Variants in IMMP1L observed in about 807,000 individuals in gnomAD.
The protein encoded by IMMP1L is mitochondrial inner membrane protease subunit 1.
A neutral mutation model predicts 21.8 loss-of-function variants in IMMP1L; 24 were observed. The ratio of observed to expected loss-of-function variants is 1.10; its 90% CI spans 0.80 to 1.55. The LOEUF (loss-of-function observed/expected upper bound fraction) is 1.55. IMMP1L is among the 40% of genes most tolerant of loss of function. IMMP1L has a pLI of 0.00. For synonymous variants in IMMP1L, 46 were observed against 62.8 expected, an observed-to-expected ratio of 0.73 and a Z score of 1.26; for missense variants, 195 against 200.7, an observed-to-expected ratio of 0.97 and a Z score of 0.17.
chr11:31,490,977 C>G (rs1955234730), intron 1 of IMMP1L, among the ~76,000 whole-genome samples: 1 of 152,238 alleles, frequency 6.6e-6, no homozygotes, highest in South Asian at 2.1e-4. Context: ...TAACATGACA[C>G]CATAAGCTGC....
intron 1 of IMMP1L, among the ~76,000 whole-genome samples, chr11:31,486,419 G>C (rs1025988707): frequency 6.6e-6 from 1 of 151,776 alleles, no homozygotes; most frequent in African/African-American, 2.4e-5. Context: ...TACTGCATTA[G>C]GTCCTGTATC....
intron 3 of IMMP1L, among the ~76,000 whole-genome samples, chr11:31,458,936 G>A (rs544256703): frequency 2.2e-4 from 34 of 152,248 alleles, no homozygotes; most frequent in Non-Finnish European, 1.2e-4. Flanking sequence ...CCTCATTCAG[G>A]ATGCCCAAGG....
intron 1 of IMMP1L, among the ~76,000 whole-genome samples, chr11:31,490,484 A>G (rs1955219404): frequency 6.6e-6 from 1 of 151,576 alleles, no homozygotes; most frequent in Non-Finnish European, 1.5e-5. Flanking sequence ...AAAAAAAAAA[A>G]GCAGTTCATT....
At chr11:31,468,911 T>G (rs1277468958) in intron 1 of IMMP1L, among the ~76,000 whole-genome samples, 1 of 152,174 alleles carries the variant, frequency 6.6e-6, no homozygotes, top group Non-Finnish European at 1.5e-5. Context: ...GTTGCACCAC[T>G]GTACATTTTT....
chr11:31,443,674 G>A (rs960834883), intron 4 of IMMP1L, among the ~76,000 whole-genome samples: 15 of 152,160 alleles, frequency 9.9e-5, no homozygotes, highest in Admixed American at 8.5e-4. Context: ...ATTTTAATAC[G>A]TACTATTTCT....
chr11:31,501,418 T>C (rs752441050), intron 1 of IMMP1L, among the ~76,000 whole-genome samples: 2 of 152,138 alleles, frequency 1.3e-5, no homozygotes, highest in Admixed American at 6.6e-5. Context: ...TTGACTCTTG[T>C]TCTCTCTTGC....
At chr11:31,498,090 T>C (rs1565014408) in intron 1 of IMMP1L, among the ~76,000 whole-genome samples, 1 of 152,184 alleles carries the variant, frequency 6.6e-6, no homozygotes, top group African/African-American at 2.4e-5. Flanking sequence ...ATTTAGGAAA[T>C]GTTAATAGAA....
intron 4 of IMMP1L, 128 bp from the exon 5 acceptor site, chr11:31,433,698 C>T (rs1953005565): frequency 2.2e-6 from 1 of 460,940 alleles, no homozygotes. Context: ...AGATACAAAT[C>T]CTAATATTGC....
At chr11:31,492,132 A>G (rs1365429035) in intron 1 of IMMP1L, among the ~76,000 whole-genome samples, 1 of 152,226 alleles carries the variant, frequency 6.6e-6, no homozygotes, top group East Asian at 1.9e-4. Flanking sequence ...CCTAGATAGC[A>G]TCTTCTTCCA....
intron 1 of IMMP1L, among the ~76,000 whole-genome samples, chr11:31,472,954 C>T (rs988855288): frequency 7.2e-5 from 11 of 152,208 alleles, no homozygotes; most frequent in African/African-American, 2.7e-4. Flanking sequence ...CAATCTCCGC[C>T]TCCCAGGTTC....
At chr11:31,477,497 T>C in intron 1 of IMMP1L, 1 of 972,330 alleles carries the variant, frequency 1.0e-6, no homozygotes, top group African/African-American at 1.8e-5. Flanking sequence ...TTTGCCTTGA[T>C]GACCTGATTT....
At chr11:31,499,641 C>G (rs894031956) in intron 1 of IMMP1L, among the ~76,000 whole-genome samples, 4 of 152,088 alleles carry the variant, frequency 2.6e-5, no homozygotes, top group African/African-American at 9.7e-5. Context: ...ACTAAAGCAG[C>G]AGCATATTTT....
Position 31,432,414 on chromosome 11 carries a change from G to A in IMMP1L, c.*86C>T, listed in dbSNP as rs1952936189. ...AACAACTAAAACTGAATAGCAAATAGTTTATTGGTAAGTACACGGTTTCAA... is the reference window on the plus strand; with the variant it reads ...AACAACTAAAACTGAATAGCAAATAATTTATTGGTAAGTACACGGTTTCAA... On this transcript the variant is annotated 3_prime_UTR_variant, in exon 6 of 6. Coordinates refer to ENST00000532287, the MANE Select transcript of IMMP1L (RefSeq NM_001304274.2). 2.2e-6 allele frequency: 2 copies of A among 890,490 alleles called. No individual in the cohort carries two copies. Among genetic ancestry groups the A allele is most frequent in the Non-Finnish European group, 3.6e-6 (2 of 548,356 alleles). The allele number at this position is 890,490 out of a possible 1,614,324, so 55.2% of individuals were successfully genotyped here. A position where few individuals can be genotyped will look rare whatever the true frequency, so the allele number is the denominator to read the frequency against.
At chr11:31,436,721 T>G (rs560880892) in intron 4 of IMMP1L, among the ~76,000 whole-genome samples, 3 of 152,046 alleles carry the variant, frequency 2.0e-5, no homozygotes, top group Non-Finnish European at 4.4e-5. Context: ...GGTGAGCCAG[T>G]GCGCCCAACC....
chr11:31,508,443 C>T (rs569028235), intron 1 of IMMP1L, among the ~76,000 whole-genome samples: 2 of 152,254 alleles, frequency 1.3e-5, no homozygotes, highest in East Asian at 1.9e-4. Context: ...AATATGAAAG[C>T]AACCTTGATC....
chr11:31,506,074 T>C (rs902324027), intron 1 of IMMP1L, among the ~76,000 whole-genome samples: 4 of 152,146 alleles, frequency 2.6e-5, no homozygotes, highest in South Asian at 4.2e-4. Context: ...CTGTACTTTA[T>C]TGACCTATTT....
chr11:31,475,780 C>T (rs1403404068), intron 1 of IMMP1L, among the ~76,000 whole-genome samples: 1 of 152,050 alleles, frequency 6.6e-6, no homozygotes, highest in Non-Finnish European at 1.5e-5. Context: ...TTGAGAAGAT[C>T]TTATGTTTTA....
intron 1 of IMMP1L, among the ~76,000 whole-genome samples, chr11:31,491,657 T>C (rs1239531696): frequency 6.6e-6 from 1 of 152,216 alleles, no homozygotes; most frequent in East Asian, 1.9e-4. Flanking sequence ...GGAGATTTCT[T>C]AACCTATCTA....
At chr11:31,440,307 C>T (rs1398045895) in intron 4 of IMMP1L, among the ~76,000 whole-genome samples, 1 of 152,156 alleles carries the variant, frequency 6.6e-6, no homozygotes, top group Non-Finnish European at 1.5e-5. Flanking sequence ...GTCCAGTTTT[C>T]TAGTTGTTTA....
Sources: gnomAD v4.1 joint callset for allele counts (sites outside exome capture counted in the v4.1 genomes callset) on GRCh38, gnomAD v4.1.1 for gene constraint, MANE v1.5 for transcripts, NCBI Gene and HGNC (gene_info 2026-07-23, HGNC 2026-07-21) for gene names.